SRPK2: variants seen among roughly 807,000 people sequenced by gnomAD.
SRPK2 encodes SFRS protein kinase 2.
Under a neutral mutation model 90.8 loss-of-function variants are expected in SRPK2, and 21 were observed. The ratio of observed to expected loss-of-function variants is 0.23; its 90% CI spans 0.16 to 0.33. The LOEUF (loss-of-function observed/expected upper bound fraction) is 0.33. Ranked by LOEUF, SRPK2 falls within the 10% of genes least tolerant of loss-of-function variation. SRPK2 has a pLI of 1.00. For missense variants in SRPK2, 620 were observed against 869.0 expected (o/e 0.71, Z 3.60); for synonymous variants, 288 against 311.1 (o/e 0.93, Z 0.78).
At chr7:105,298,032 G>GCCTGA (rs1810072953) in intron 2 of SRPK2, among the ~76,000 whole-genome samples, 1 of 152,070 alleles carries the variant, frequency 6.6e-6, no homozygotes, top group Non-Finnish European at 1.5e-5. Flanking sequence ...GAGCCACCAC[G>GCCTGA]CCTGGCCTGT....
Position 105,301,582 on chromosome 7 carries a change from G to T in SRPK2, c.71+87066C>A, listed in dbSNP as rs1263102118. On this transcript the variant is annotated intron_variant, in intron 2 of 15. Coordinates refer to ENST00000393651, the MANE Select transcript of SRPK2 (RefSeq NM_182692.3). The stretch of plus-strand genomic sequence containing the variant: ...ATTACGCTCTATTTATGAAGGAGAT[G>T]AAAGTTTCCGGGAATTAAGTTCAGT... 11 of 1,596,554 alleles carry T rather than the reference G, an allele frequency of 6.9e-6. No homozygotes were observed. In the South Asian group the frequency reaches 1.1e-4, roughly 16 times the overall value.
intron 2 of SRPK2, among the ~76,000 whole-genome samples, chr7:105,323,967 T>TGTGTGTGTGTGTGTG (rs1813232169): frequency 5.2e-5 from 7 of 133,898 alleles, no homozygotes; most frequent in African/African-American, 1.6e-4. Flanking sequence ...AGACTATTCT[T>TGTGTGTGTGTGTGTG]TGTGTGTGTG....
chr7:105,358,586 T>C (rs1818066515), intron 2 of SRPK2, among the ~76,000 whole-genome samples: 1 of 151,604 alleles, frequency 6.6e-6, no homozygotes, highest in Admixed American at 6.6e-5. Flanking sequence ...CTTGGGGATC[T>C]GAGGTGGGAG....
chr7:105,316,728 T>C (rs779180694), intron 2 of SRPK2, among the ~76,000 whole-genome samples: 5 of 152,190 alleles, frequency 3.3e-5, no homozygotes, highest in African/African-American at 4.8e-5. Context: ...ACTCTGACCT[T>C]TGGATTAGCC....
intron 2 of SRPK2, among the ~76,000 whole-genome samples, chr7:105,207,584 G>C (rs925740420): frequency 6.6e-6 from 1 of 152,080 alleles, no homozygotes; most frequent in African/African-American, 2.4e-5. Context: ...AATGGTAAAA[G>C]AATAGTCTTT....
chr7:105,280,903 C>T (rs1453741348), intron 2 of SRPK2, among the ~76,000 whole-genome samples: 3 of 123,508 alleles, frequency 2.4e-5, no homozygotes, highest in South Asian at 5.9e-4. Flanking sequence ...GCCGAGATAG[C>T]GCCACTGCAC....
intron 2 of SRPK2, among the ~76,000 whole-genome samples, chr7:105,236,581 G>A (rs186075234): frequency 1.3e-5 from 2 of 152,050 alleles, no homozygotes; most frequent in East Asian, 3.9e-4. Flanking sequence ...GGACAATACA[G>A]GAAATAACAT....
chr7:105,232,796 C>T (rs1201577710), intron 2 of SRPK2, among the ~76,000 whole-genome samples: 4 of 152,066 alleles, frequency 2.6e-5, no homozygotes, highest in African/African-American at 9.6e-5. Flanking sequence ...AGGTGGATTA[C>T]GAGGTCAAGA....
Position 105,203,722 on chromosome 7 carries a change from C to CGGT in SRPK2, c.132_134dup (p.Pro47dup), listed in dbSNP as rs771788696. The CGGT allele has an allele frequency of 2.3e-5, 25 of 1,087,462 alleles. No individual in the cohort carries two copies. Among genetic ancestry groups the CGGT allele is most frequent in the African/African-American group, 8.1e-5 (5 of 61,486 alleles). The allele number at this position is 1,087,462 out of a possible 1,614,324, so 67.4% of individuals were successfully genotyped here. ...GGGGTGTGGGGTCTGGCAAAGGTGGCGGTGGTGGTGGTGGTGGCGGTGGAG... is the reference window on the plus strand; with the variant it reads ...GGGGTGTGGGGTCTGGCAAAGGTGGCGGTGGTGGTGGTGGTGGTGGCGGTGGAG... On this transcript the variant is annotated inframe_insertion, in exon 3 of 16. Transcript: ENST00000393651.
intron 2 of SRPK2, among the ~76,000 whole-genome samples, chr7:105,339,774 A>G (rs1815525427): frequency 6.6e-6 from 1 of 152,184 alleles, no homozygotes; most frequent in African/African-American, 2.4e-5. Context: ...CAAGGACACG[A>G]TCCTGGCCAG....
At chr7:105,176,557 A>ATG (rs10691783) in intron 3 of SRPK2, among the ~76,000 whole-genome samples, 41,148 of 147,590 alleles carry the variant, frequency 0.28, 5,717 homozygotes, top group Non-Finnish European at 0.3. Flanking sequence ...TTTTGCATAT[A>ATG]TGTGTGTGTG....
At chr7:105,357,740 G>A (rs924673621) in intron 2 of SRPK2, among the ~76,000 whole-genome samples, 10 of 150,960 alleles carry the variant, frequency 6.6e-5, no homozygotes, top group East Asian at 2.0e-4. Flanking sequence ...GCAAGACTCC[G>A]TCTCAAAAAA....
chr7:105,311,664 A>G (rs1483225616), intron 2 of SRPK2, among the ~76,000 whole-genome samples: 1 of 152,244 alleles, frequency 6.6e-6, no homozygotes, highest in African/African-American at 2.4e-5. Context: ...ACCCATCAGG[A>G]CATCTACAAA....
chr7:105,271,970 C>CA (rs1222520171), intron 2 of SRPK2, among the ~76,000 whole-genome samples: 1 of 152,106 alleles, frequency 6.6e-6, no homozygotes, highest in Non-Finnish European at 1.5e-5. Flanking sequence ...ATTTTTCATC[C>CA]AATTTTCCTC....
At chr7:105,386,797 T>C (rs1821668143) in intron 2 of SRPK2, among the ~76,000 whole-genome samples, 1 of 152,254 alleles carries the variant, frequency 6.6e-6, no homozygotes, top group Non-Finnish European at 1.5e-5. Context: ...GTTATATAAT[T>C]GGGCTGGTCC....
At chr7:105,216,374 T>C (rs1417549797) in intron 2 of SRPK2, among the ~76,000 whole-genome samples, 1 of 152,066 alleles carries the variant, frequency 6.6e-6, no homozygotes, top group Non-Finnish European at 1.5e-5. Context: ...AGGAACTCAG[T>C]GACTGGTGAG....
intron 15 of SRPK2, among the ~76,000 whole-genome samples, chr7:105,125,303 C>T (rs1001632839): frequency 1.3e-5 from 2 of 152,012 alleles, no homozygotes; most frequent in African/African-American, 4.8e-5. Context: ...TACAGTGTGG[C>T]ATAACACAAT....
At chr7:105,227,290 A>G (rs947035656) in intron 2 of SRPK2, among the ~76,000 whole-genome samples, 2 of 152,194 alleles carry the variant, frequency 1.3e-5, no homozygotes, top group Non-Finnish European at 2.9e-5. Context: ...CCATCACCCA[A>G]GCAGTATATG....
intron 11 of SRPK2, among the ~76,000 whole-genome samples, chr7:105,137,218 G>T (rs1157869903): frequency 4.6e-5 from 7 of 152,170 alleles, no homozygotes; most frequent in Non-Finnish European, 8.8e-5. Flanking sequence ...CAGTGTGAAC[G>T]GTGTAGAATG....
Sources: gnomAD v4.1 joint callset for allele counts (sites outside exome capture counted in the v4.1 genomes callset) on GRCh38, gnomAD v4.1.1 for gene constraint, MANE v1.5 for transcripts, NCBI Gene and HGNC (gene_info 2026-07-23, HGNC 2026-07-21) for gene names.